C22orf23: variants seen among roughly 807,000 people sequenced by gnomAD.
C22orf23 encodes UPF0193 protein EVG1.
C22orf23 carries 30 observed loss-of-function variants against 29.7 expected under a neutral mutation model. The ratio of observed to expected loss-of-function variants is 1.01; its 90% CI spans 0.76 to 1.37. The LOEUF (loss-of-function observed/expected upper bound fraction) is 1.37. Ranked by LOEUF, C22orf23 falls within the 40% of genes most tolerant of loss-of-function variation. The pLI, the probability that C22orf23 is intolerant of heterozygous loss-of-function variation, is 0.00. For synonymous variants in C22orf23, 90 were observed against 96.1 expected, an observed-to-expected ratio of 0.94 and a Z score of 0.37; for missense variants, 237 against 273.1, an observed-to-expected ratio of 0.87 and a Z score of 0.93.
At chr22:37,945,291 G>T in intron 4 of C22orf23, 118 bp from the exon 5 acceptor site, 1 of 1,230,306 alleles carries the variant, frequency 8.1e-7, no homozygotes, top group Non-Finnish European at 1.1e-6. Flanking sequence ...CAGGGCTTCC[G>T]TACACCTGCT....
chr22:37,944,785 G>A (rs5756860), intron 5 of C22orf23: 6 of 571,778 alleles, frequency 1.0e-5, no homozygotes, highest in Non-Finnish European at 1.8e-5. Context: ...GGTAATCCCA[G>A]CTACTCAGGT....
chr22:37,944,711 C>T lies in C22orf23; in HGVS notation c.482-194G>A, dbSNP rs1204182640. ...GTCAGGAGTTCGAGACCAGCCTGAC[C>T]AACATGGTGAAACCCCGTGTCTACT... On this transcript the variant is annotated intron_variant, in intron 5 of 6. Transcript: ENST00000403305. The T allele has an allele frequency of 5.2e-6, 3 of 576,892 alleles. No individual in the cohort carries two copies. In the Admixed American group the frequency reaches 9.3e-5, roughly 18 times the overall value. The allele number at this position is 576,892 out of a possible 1,614,324, so 35.7% of individuals were successfully genotyped here. A position where few individuals can be genotyped will look rare whatever the true frequency, so the allele number is the denominator to read the frequency against.
rs1930533148 is a variant in C22orf23 at position 37,943,878 on chromosome 22, C to T, written c.*297G>A. ...TTCAGAAAACTAAATGAACAGGCCA[C>T]AGGTCAGAAGTGGTGGGAAGCAGGC... On this transcript the variant is annotated 3_prime_UTR_variant, in exon 7 of 7. Transcript: ENST00000403305. 1 of 451,808 alleles carries T rather than the reference C, an allele frequency of 2.2e-6. No homozygotes were observed. The highest frequency in any genetic ancestry group is 3.5e-5 in the Admixed American group (1 of 28,548). The allele number at this position is 451,808 out of a possible 1,614,324, so 28.0% of individuals were successfully genotyped here. A position where few individuals can be genotyped will look rare whatever the true frequency, so the allele number is the denominator to read the frequency against.
chr22:37,946,979 A>G (rs949580027), intron 4 of C22orf23, among the ~76,000 whole-genome samples: 3 of 151,672 alleles, frequency 2.0e-5, no homozygotes, highest in African/African-American at 7.3e-5. Flanking sequence ...ACTTATGTAT[A>G]GGGGCTGCAG....
chr22:37,946,375 G>A (rs577203045), intron 4 of C22orf23, among the ~76,000 whole-genome samples: 3 of 152,076 alleles, frequency 2.0e-5, no homozygotes, highest in Non-Finnish European at 4.4e-5. Context: ...GCAGTGAGCC[G>A]AGATCGTGCC....
In C22orf23 at chr22:37,943,418, A is replaced by G. The variant is rs1275198836; in HGVS notation, c.*757T>C. The G allele has an allele frequency of 6.6e-6, 1 of 152,252 alleles. No homozygotes were observed. The highest frequency in any genetic ancestry group is 2.4e-5 in the African/African-American group (1 of 41,428). The allele number at this position is 152,252 out of a possible 1,614,324, so 9.4% of individuals were successfully genotyped here. On this transcript the variant is annotated 3_prime_UTR_variant, in exon 7 of 7. Coordinates refer to ENST00000403305, the MANE Select transcript of C22orf23 (RefSeq NM_032561.5). ...CTTTCTGTGGCCATGGGTATAGTGG[A>G]AAGACATAAAGCTAAAGCCAACTTT...
At chr22:37,947,856 C>T (rs1194027268) in intron 3 of C22orf23, among the ~76,000 whole-genome samples, 1 of 151,274 alleles carries the variant, frequency 6.6e-6, no homozygotes, top group Non-Finnish European at 1.5e-5. Flanking sequence ...CCTGTAATCC[C>T]AGCACTTTGG....
chr22:37,947,256 G>A lies in C22orf23; in HGVS notation c.349+25C>T, dbSNP rs779627285. On this transcript the variant is annotated intron_variant, in intron 4 of 6. Transcript: ENST00000403305. ...GTCCTCCCCCAGGGAGATGGAGAAA[G>A]GCCCTAGCTGAGACCCTCACTTACT... is the stretch of plus-strand genomic sequence containing the variant. 5.0e-6 allele frequency: 8 copies of A among 1,613,518 alleles called. No homozygotes were observed. In the South Asian group the frequency reaches 6.6e-5, roughly 13 times the overall value.
chr22:37,944,322 C>T, intron 6 of C22orf23, 76 bp from the exon 7 acceptor site: 2 of 1,613,582 alleles, frequency 1.2e-6, no homozygotes, highest in East Asian at 2.2e-5. Flanking sequence ...GAGCTAGAGC[C>T]TGACCCCTGA....
chr22:37,951,442 C>T lies in C22orf23; in HGVS notation c.166+18G>A, dbSNP rs201828953. The T allele has an allele frequency of 1.6e-5, 26 of 1,611,618 alleles. No individual in the cohort carries two copies. The highest frequency in any genetic ancestry group is 1.6e-4 in the African/African-American group (12 of 74,836). ...CCAGATCCCTCTGTCCAGGAAGCCTCTGTGGACTGCCCCTTACTTTTCATG... is the reference window on the plus strand; with the variant it reads ...CCAGATCCCTCTGTCCAGGAAGCCTTTGTGGACTGCCCCTTACTTTTCATG... On this transcript the variant is annotated intron_variant, in intron 3 of 6. Transcript: ENST00000403305.
chr22:37,949,571 G>T (rs374829683), intron 3 of C22orf23, among the ~76,000 whole-genome samples: 1 of 146,938 alleles, frequency 6.8e-6, no homozygotes, highest in South Asian at 2.2e-4. Context: ...CTATTCTCCC[G>T]CTTCAGCTTC....
rs747204269 is a variant in C22orf23, at chr22:37,953,050, T to A, written c.100A>T (p.Arg34Ter). 3 of 1,612,750 alleles carry A rather than the reference T, an allele frequency of 1.9e-6. No homozygotes were observed. The highest frequency in any genetic ancestry group is 2.5e-6 in the Non-Finnish European group (3 of 1,179,118). The change falls in exon 2 of 7, where the codon AGA (arginine) becomes TGA (stop). Residue 34 changes from arginine (R) to a stop codon, truncating the protein, a stop_gained. Transcript: ENST00000403305. LOFTEE classifies it high-confidence loss of function. ...TYTPGTCELL[R>*]VMMKESKLTN... is the part of the protein sequence containing the mutation. ...ATCGCTGCTTTAACGGACTGACCTCTGAGCAGCTCGCAGGTCCCCGGGGTG... is the reference window on the plus strand; with the variant it reads ...ATCGCTGCTTTAACGGACTGACCTCAGAGCAGCTCGCAGGTCCCCGGGGTG...
At chr22:37,950,692 G>T (rs1930959912) in intron 3 of C22orf23, among the ~76,000 whole-genome samples, 2 of 151,986 alleles carry the variant, frequency 1.3e-5, no homozygotes, top group South Asian at 4.2e-4. Flanking sequence ...AGATCACGAG[G>T]TCAGGAGTTC....
upstream of C22orf23, chr22:37,953,667 A>G (rs1203789962): frequency 1.6e-6 from 2 of 1,251,098 alleles, no homozygotes; most frequent in African/African-American, 2.9e-5. Flanking sequence ...CCCGGAAGTG[A>G]TTTCCTCTGG....
At chr22:37,946,834 A>C (rs1421659442) in intron 4 of C22orf23, among the ~76,000 whole-genome samples, 1 of 149,508 alleles carries the variant, frequency 6.7e-6, no homozygotes. Context: ...AGATAGCACC[A>C]CTGCACTCCA....
rs1930540203 is a variant in C22orf23 at position 37,943,990 on chromosome 22, A to G, written c.*185T>C. ...CGGGGCTGTGAGTCTCAGAGGCTCC[A>G]TCTGCATTCCGGGGCAGGGGCTAGG... On this transcript the variant is annotated 3_prime_UTR_variant, in exon 7 of 7. Transcript: ENST00000403305. 1.6e-6 allele frequency: 1 copy of G among 632,224 alleles called. No homozygotes were observed. Among genetic ancestry groups the G allele is most frequent in the African/African-American group, 1.8e-5 (1 of 55,248 alleles). 39.2% of individuals were successfully genotyped at this position (632,224 alleles called of 1,614,324 possible). A position where few individuals can be genotyped will look rare whatever the true frequency, so the allele number is the denominator to read the frequency against.
chr22:37,944,108 C>T lies in C22orf23; in HGVS notation c.*67G>A, dbSNP rs1010852641. The T allele has an allele frequency of 6.8e-7, 1 of 1,465,492 alleles. No homozygotes were observed. Among genetic ancestry groups the T allele is most frequent in the Admixed American group, 1.7e-5 (1 of 59,826 alleles). The allele number at this position is 1,465,492 out of a possible 1,614,324, so 90.8% of individuals were successfully genotyped here. A position where few individuals can be genotyped will look rare whatever the true frequency, so the allele number is the denominator to read the frequency against. On this transcript the variant is annotated 3_prime_UTR_variant, in exon 7 of 7. Transcript: ENST00000403305. ...TAGGATGGGCTGGCCTGAGGATGGC[C>T]CTGCCTGGCAGAGGAGTGGACTCCA...
At position 37,946,117 on chromosome 22, in the gene C22orf23, G is replaced by A. The variant is rs188597272; in HGVS notation, c.350-944C>T. Among the ~76,000 whole-genome samples, 7 of 152,176 alleles carry A rather than the reference G, an allele frequency of 4.6e-5. No individual in the cohort carries two copies. The East Asian group carries it at 7.8e-4, about 17-fold the overall frequency. On this transcript the variant is annotated intron_variant, in intron 4 of 6. Transcript: ENST00000403305. ...ACTAAAAATACAAAAAAATTAGCCC[G>A]GCGTGATGGCAGGTGCCTGTAGTCC...
chr22:37,953,075 G>T lies in C22orf23; in HGVS notation c.75C>A (p.Tyr25Ter). 1 of 1,613,972 alleles carries T rather than the reference G, an allele frequency of 6.2e-7. No homozygotes were observed. The highest frequency in any genetic ancestry group is 8.5e-7 in the Non-Finnish European group (1 of 1,179,954). Residue 25 changes from tyrosine (Y) to a stop codon, truncating the protein, a stop_gained, in exon 2 of 7, where the codon TAC (tyrosine) becomes TAA (stop). Coordinates refer to ENST00000403305, the MANE Select transcript of C22orf23 (RefSeq NM_032561.5). LOFTEE classifies it high-confidence loss of function. Reference protein sequence around the residue: ...GFRRRPKTITYTPGTCELLRV... With the variant: ...GFRRRPKTIT ...TGAGCAGCTCGCAGGTCCCCGGGGT[G>T]TAAGTGATGGTCTTGGGGCGGCGCC...
Sources: gnomAD v4.1 joint callset for allele counts (sites outside exome capture counted in the v4.1 genomes callset) on GRCh38, gnomAD v4.1.1 for gene constraint, MANE v1.5 for transcripts, NCBI Gene and HGNC (gene_info 2026-07-23, HGNC 2026-07-21) for gene names.